ATP8B1: variants seen among roughly 807,000 people sequenced by gnomAD.
The protein encoded by ATP8B1 is phospholipid-transporting ATPase IC.
A neutral mutation model predicts 149.9 loss-of-function variants in ATP8B1; 80 were observed. That is an observed-to-expected ratio of 0.53 (90% confidence interval 0.45 to 0.64). ATP8B1 has a LOEUF of 0.64. Among genes scored for constraint, ATP8B1 ranks in the 30% least tolerant of loss-of-function variants. The pLI, the probability that ATP8B1 is intolerant of heterozygous loss-of-function variation, is 0.00. For missense variants in ATP8B1, 1,247 were observed against 1,552.6 expected, an observed-to-expected ratio of 0.80 and a Z score of 3.31; for synonymous variants, 536 against 562.8, an observed-to-expected ratio of 0.95 and a Z score of 0.67.
chr18:57,684,961 C>G (rs1317533579), intron 14 of ATP8B1, 111 bp downstream of exon 14: 2 of 1,343,138 alleles, frequency 1.5e-6, no homozygotes, highest in Non-Finnish European at 2.1e-6. Flanking sequence ...CCACCAGGAG[C>G]AGGGAAGAGG....
intron 2 of ATP8B1, among the ~76,000 whole-genome samples, chr18:57,728,601 A>C (rs1168528505): frequency 6.6e-6 from 1 of 152,062 alleles, no homozygotes; most frequent in Non-Finnish European, 1.5e-5. Context: ...TAGAATAAGA[A>C]TTTTTGTAAA....
intron 20 of ATP8B1, among the ~76,000 whole-genome samples, chr18:57,665,230 C>A (rs564351217): frequency 8.2e-6 from 1 of 121,924 alleles, no homozygotes; most frequent in Admixed American, 9.8e-5. Context: ...ATTGAAAGGC[C>A]GTAAGAGAAA....
chr18:57,734,016 CATATT>C lies in ATP8B1; in HGVS notation c.-25-2189_-25-2185del, dbSNP rs1219438234. On this transcript the variant is annotated intron_variant, in intron 1 of 27. Coordinates refer to ENST00000648908, the MANE Select transcript of ATP8B1 (RefSeq NM_001374385.1). ...ACTGTGTAAATAAATTGTGGCATCT[CATATT>C]ATAGGATAATGTGCAACAATCTAGA... 4 of 152,126 alleles carry C rather than the reference CATATT, an allele frequency of 2.6e-5. No individual in the cohort carries two copies. The South Asian group carries it at 6.2e-4, about 24-fold the overall frequency. The allele number at this position is 152,126 out of a possible 1,614,324, so 9.4% of individuals were successfully genotyped here.
Position 57,711,857 on chromosome 18 carries a change from C to T in ATP8B1, c.182-5270G>A, listed in dbSNP as rs182247628. ...CTCCTGCCTTGGCCTCCCAGAGTGC[C>T]GGGATTACAGGTGTGAGCCACCGTG... On this transcript the variant is annotated intron_variant, in intron 2 of 27. Coordinates refer to ENST00000648908, the MANE Select transcript of ATP8B1 (RefSeq NM_001374385.1). 1.5e-4 allele frequency among the ~76,000 whole-genome samples: 23 copies of T among 152,108 alleles called. No individual in the cohort carries two copies. In the East Asian group the frequency reaches 4.3e-3, roughly 28 times the overall value.
intron 3 of ATP8B1, 88 bp downstream of exon 3, chr18:57,706,402 G>A: frequency 9.7e-7 from 1 of 1,027,402 alleles, no homozygotes; most frequent in Non-Finnish European, 1.5e-6. Flanking sequence ...TTACGTGGAA[G>A]GCAGGTGTAG....
chr18:57,707,960 C>T (rs1002491747), intron 2 of ATP8B1, among the ~76,000 whole-genome samples: 1 of 150,760 alleles, frequency 6.6e-6, no homozygotes, highest in Non-Finnish European at 1.5e-5. Flanking sequence ...AGTTCAAAAC[C>T]AGCCTGGCCA....
chr18:57,756,210 TACAC>T (rs573321061), intron 1 of ATP8B1, among the ~76,000 whole-genome samples: 12,163 of 107,182 alleles, frequency 0.11, 1,001 homozygotes, highest in African/African-American at 0.14. Flanking sequence ...TATATATATA[TACAC>T]ACACACACAC....
chr18:57,711,824 A>G (rs1335841907), intron 2 of ATP8B1, among the ~76,000 whole-genome samples: 1 of 152,052 alleles, frequency 6.6e-6, no homozygotes, highest in Non-Finnish European at 1.5e-5. Flanking sequence ...TGCTGCCCAC[A>G]AGCTATCCTC....
chr18:57,715,870 G>T (rs973600812), intron 2 of ATP8B1, among the ~76,000 whole-genome samples: 6 of 152,174 alleles, frequency 3.9e-5, no homozygotes, highest in Non-Finnish European at 1.5e-5. Context: ...AACGATGTTA[G>T]TGAGCAATAA....
At chr18:57,744,736 G>A (rs1430676214) in intron 1 of ATP8B1, among the ~76,000 whole-genome samples, 1 of 152,202 alleles carries the variant, frequency 6.6e-6, no homozygotes, top group Admixed American at 6.5e-5. Context: ...AAACCCTTCA[G>A]GGTAAAATAA....
intron 1 of ATP8B1, among the ~76,000 whole-genome samples, chr18:57,770,915 G>T (rs959458814): frequency 1.3e-5 from 2 of 152,248 alleles, no homozygotes; most frequent in African/African-American, 4.8e-5. Context: ...CCAGGCTGGA[G>T]TGCAGTGGCA....
At chr18:57,672,897 TATATATA>T (rs1911304802) in intron 16 of ATP8B1, among the ~76,000 whole-genome samples, 1 of 36,042 alleles carries the variant, frequency 2.8e-5, no homozygotes, top group Non-Finnish European at 5.0e-5. Context: ...TATATATATA[TATATATA>T]TATATATATA....
intron 1 of ATP8B1, among the ~76,000 whole-genome samples, chr18:57,779,847 G>A (rs889685918): frequency 3.4e-5 from 5 of 147,460 alleles, no homozygotes; most frequent in Non-Finnish European, 6.0e-5. Context: ...GCAGTGAGCC[G>A]AGATTTCCCA....
intron 1 of ATP8B1, among the ~76,000 whole-genome samples, chr18:57,742,212 A>T (rs2079921494): frequency 6.6e-6 from 1 of 152,196 alleles, no homozygotes; most frequent in Admixed American, 6.5e-5. Context: ...ACTTGATGAC[A>T]GTTGTAATTA....
At chr18:57,751,426 A>T (rs979121935) in intron 1 of ATP8B1, among the ~76,000 whole-genome samples, 3 of 151,134 alleles carry the variant, frequency 2.0e-5, no homozygotes, top group African/African-American at 7.3e-5. Flanking sequence ...TGAGAGGCAG[A>T]GGTTGCAGTA....
chr18:57,728,842 C>A (rs924087398), intron 2 of ATP8B1, among the ~76,000 whole-genome samples: 1 of 151,448 alleles, frequency 6.6e-6, no homozygotes, highest in Admixed American at 6.6e-5. Flanking sequence ...GCCTCAGCCT[C>A]CCGAGTAGCT....
At chr18:57,737,139 G>C (rs1658196946) in intron 1 of ATP8B1, 1 of 152,024 alleles carries the variant, frequency 6.6e-6, no homozygotes, top group Non-Finnish European at 1.5e-5. Flanking sequence ...AGAAGAGACA[G>C]GGTTTTGCCA....
rs535708541 is a variant in ATP8B1, at chr18:57,744,671, A to G, written c.-25-12839T>C. 3.9e-5 allele frequency among the ~76,000 whole-genome samples: 6 copies of G among 152,344 alleles called. No homozygotes were observed. The East Asian group carries it at 1.2e-3, about 29-fold the overall frequency. Reference sequence around the variant, plus strand: ...ATAATTAGGCTTTAAAGTTATATTCATGTTTAAATAATACAAAGTCATAGG... The same window carrying G: ...ATAATTAGGCTTTAAAGTTATATTCGTGTTTAAATAATACAAAGTCATAGG... On this transcript the variant is annotated intron_variant, in intron 1 of 27. Transcript: ENST00000648908.
At chr18:57,648,746 A>G (rs2122527979) in intron 27 of ATP8B1, 34 bp from the exon 28 acceptor site, 1 of 1,544,754 alleles carries the variant, frequency 6.5e-7, no homozygotes, top group Non-Finnish European at 8.7e-7. Flanking sequence ...GGATGAAAAT[A>G]AGATCCACAC....
Sources: gnomAD v4.1 joint callset for allele counts (sites outside exome capture counted in the v4.1 genomes callset) on GRCh38, gnomAD v4.1.1 for gene constraint, MANE v1.5 for transcripts, NCBI Gene and HGNC (gene_info 2026-07-23, HGNC 2026-07-21) for gene names.